MYOM1: variants seen among roughly 807,000 people sequenced by gnomAD.
MYOM1 encodes the protein myomesin 1.
In MYOM1, 164 loss-of-function variants were observed where a neutral mutation model predicts 205.3. The ratio of observed to expected loss-of-function variants is 0.80; its 90% CI spans 0.70 to 0.91. The LOEUF (loss-of-function observed/expected upper bound fraction) is 0.91. Among genes scored for constraint, MYOM1 ranks in the 40% least tolerant of loss-of-function variants. The probability of loss-of-function intolerance (pLI) is 0.00; values close to 1 mark genes in which losing one functional copy is unlikely to be tolerated. For missense variants in MYOM1, 2,011 were observed against 2,127.3 expected (o/e 0.95, Z 1.08); for synonymous variants, 772 against 789.4 (o/e 0.98, Z 0.37).
intron 16 of MYOM1, among the ~76,000 whole-genome samples, chr18:3,132,129 T>C (rs1406891620): frequency 1.4e-5 from 2 of 147,236 alleles, no homozygotes; most frequent in African/African-American, 4.9e-5. Context: ...TATATATATA[T>C]ATATATGAGT....
At chr18:3,076,742 C>T (rs549910082) in intron 34 of MYOM1, among the ~76,000 whole-genome samples, 49 of 145,058 alleles carry the variant, frequency 3.4e-4, no homozygotes, top group African/African-American at 1.2e-3. Flanking sequence ...TTTTTTGAGA[C>T]GGAGTTCTGT....
At chr18:3,149,357 G>T (rs2080183917) in intron 12 of MYOM1, among the ~76,000 whole-genome samples, 156 bp from the exon 13 acceptor site, 1 of 152,182 alleles carries the variant, frequency 6.6e-6, no homozygotes, top group Admixed American at 6.5e-5. Flanking sequence ...CATGTAGAGG[G>T]CACTGTGGGA....
rs191095243 is a variant in MYOM1 at position 3,197,905 on chromosome 18, A to G, written c.291-3947T>C. Among the ~76,000 whole-genome samples, 230 of 152,236 alleles carry G rather than the reference A, an allele frequency of 1.5e-3. 1 individual carries two copies. Among genetic ancestry groups the G allele is most frequent in the Non-Finnish European group, 2.7e-3 (183 of 68,008 alleles). ...AAAAAGAAAAAGAAAAAGAAATGTT[A>G]CTATTTCGTTCTATACTCCAATGGC... On this transcript the variant is annotated intron_variant, in intron 2 of 37. Transcript: ENST00000356443.
At chr18:3,075,799 C>A (rs751001579) in intron 34 of MYOM1, 38 bp from the exon 35 acceptor site, 40 of 1,536,640 alleles carry the variant, frequency 2.6e-5, no homozygotes, top group Non-Finnish European at 3.4e-5. Flanking sequence ...TTTTCTCACC[C>A]AGAATTGATG....
At chr18:3,172,279 T>C (rs1039469138) in intron 8 of MYOM1, among the ~76,000 whole-genome samples, 2 of 152,196 alleles carry the variant, frequency 1.3e-5, no homozygotes, top group African/African-American at 4.8e-5. Context: ...TAGGAACAAC[T>C]GCATTCAATT....
At chr18:3,193,667 C>T (rs1340499405) in intron 3 of MYOM1, 151 bp downstream of exon 3, 1 of 815,392 alleles carries the variant, frequency 1.2e-6, no homozygotes. Flanking sequence ...AAAAGGTTAG[C>T]TGCTTTTACT....
At chr18:3,121,492 C>T (rs1345760049) in intron 19 of MYOM1, among the ~76,000 whole-genome samples, 1 of 152,102 alleles carries the variant, frequency 6.6e-6, no homozygotes, top group Non-Finnish European at 1.5e-5. Context: ...CTTCAAAGCA[C>T]TTAATTAAAA....
intron 25 of MYOM1, among the ~76,000 whole-genome samples, chr18:3,097,413 T>C (rs974841770): frequency 1.3e-5 from 2 of 152,146 alleles, no homozygotes; most frequent in African/African-American, 2.4e-5. Flanking sequence ...CAGAGTTTGT[T>C]ATTTTGTGAT....
At chr18:3,245,874 AATT>A in the MYOM1 span, 3 of 152,160 alleles carry the variant, frequency 2.0e-5, no homozygotes, top group South Asian at 2.1e-4. Context: ...ACTGTACTGC[AATT>A]ATTATATCTG....
chr18:3,068,440 G>C (rs1004826819), intron 37 of MYOM1, among the ~76,000 whole-genome samples: 1 of 151,750 alleles, frequency 6.6e-6, no homozygotes, highest in Non-Finnish European at 1.5e-5. Context: ...GCTTATTTGT[G>C]TTTGTGTGTG....
intron 21 of MYOM1, among the ~76,000 whole-genome samples, chr18:3,113,691 A>G (rs2079562682): frequency 6.6e-6 from 1 of 150,758 alleles, no homozygotes; most frequent in South Asian, 2.1e-4. Flanking sequence ...ACTATTACCA[A>G]TACTGTTAAT....
intron 2 of MYOM1, among the ~76,000 whole-genome samples, chr18:3,201,964 G>C (rs1310778965): frequency 6.6e-6 from 1 of 152,082 alleles, no homozygotes; most frequent in Non-Finnish European, 1.5e-5. Context: ...TTCTTTAAAA[G>C]ATATAATATT....
intron 10 of MYOM1, among the ~76,000 whole-genome samples, chr18:3,157,590 T>A (rs910408478): frequency 6.6e-6 from 1 of 151,420 alleles, no homozygotes; most frequent in African/African-American, 2.4e-5. Context: ...GGGAAGAGGA[T>A]TGCTTGAGCC....
At chr18:3,142,375 C>T (rs2080063410) in intron 13 of MYOM1, among the ~76,000 whole-genome samples, 1 of 152,076 alleles carries the variant, frequency 6.6e-6, no homozygotes, top group Non-Finnish European at 1.5e-5. Context: ...GATCCTCCCA[C>T]CTCAGCCTTC....
In MYOM1 at chr18:3,075,709, A is replaced by G; in HGVS notation, c.4685+16T>C. The G allele has an allele frequency of 6.2e-7, 1 of 1,603,024 alleles. No homozygotes were observed. Among genetic ancestry groups the G allele is most frequent in the Non-Finnish European group, 8.5e-7 (1 of 1,173,566 alleles). On this transcript the variant is annotated intron_variant, in intron 35 of 37. Transcript: ENST00000356443. ...TTAGTGCATGCAAGTGGCATTTGCT[A>G]GGACCAGGGACTTACTTCAACCTCT...
chr18:3,135,297 T>C lies in MYOM1; in HGVS notation c.2209+250A>G, dbSNP rs748464324. ...AAAATTTTAAAACAGTTAGGGAGCA[T>C]GGATAAACTAAATGTCCATGAACTT... is the stretch of plus-strand genomic sequence containing the variant. On this transcript the variant is annotated intron_variant, in intron 15 of 37. Transcript: ENST00000356443. The surrounding 1 kb of genome is among the most constrained non-coding windows in gnomAD (Gnocchi z 4.1). The C allele has an allele frequency of 7.5e-6, 3 of 402,382 alleles. No individual in the cohort carries two copies. The highest frequency in any genetic ancestry group is 8.8e-5 in the East Asian group (2 of 22,790). 24.9% of individuals were successfully genotyped at this position (402,382 alleles called of 1,614,324 possible).
At chr18:3,171,764 A>G (rs555925097) in intron 8 of MYOM1, among the ~76,000 whole-genome samples, 1 of 152,292 alleles carries the variant, frequency 6.6e-6, no homozygotes, top group South Asian at 2.1e-4. Flanking sequence ...CAACGTTCAT[A>G]AAGGTTTTAT....
rs2079189835 is a variant in MYOM1 at position 3,089,123 on chromosome 18, TTC to T, written c.4137+49_4137+50del. 3 of 1,349,560 alleles carry T rather than the reference TTC, an allele frequency of 2.2e-6. No individual in the cohort carries two copies. In the East Asian group the frequency reaches 7.0e-5, roughly 32 times the overall value. The allele number at this position is 1,349,560 out of a possible 1,614,324, so 83.6% of individuals were successfully genotyped here. On this transcript the variant is annotated intron_variant, in intron 29 of 37. Coordinates refer to ENST00000356443, the MANE Select transcript of MYOM1 (RefSeq NM_003803.4). The stretch of plus-strand genomic sequence containing the variant: ...AAAATTGAGCTTCCTCTTCTCTACA[TTC>T]TATTTTATTTCCCTTGAATCAAATA...
At chr18:3,178,688 A>G (rs1297755870) in intron 5 of MYOM1, among the ~76,000 whole-genome samples, 1 of 152,262 alleles carries the variant, frequency 6.6e-6, no homozygotes, top group Non-Finnish European at 1.5e-5. Flanking sequence ...TTCAGATCAA[A>G]TGCAACTTCT....
Sources: allele counts gnomAD v4.1 joint callset (sites outside exome capture counted in the v4.1 genomes callset), GRCh38; gene constraint gnomAD v4.1.1; non-coding constraint Gnocchi (gnomAD v3.1); transcripts MANE v1.5; gene names NCBI Gene and HGNC (gene_info 2026-07-23, HGNC 2026-07-21).